Variants in ADARB1 observed in about 807,000 individuals in gnomAD.
ADARB1 encodes double-stranded RNA-specific editase 1.
ADARB1 carries 10 observed loss-of-function variants against 52.4 expected under a neutral mutation model. The ratio of observed to expected loss-of-function variants is 0.19; its 90% CI spans 0.12 to 0.32. ADARB1 has a LOEUF of 0.32. Among genes scored for constraint, ADARB1 ranks in the 10% least tolerant of loss-of-function variants. The pLI is 1.00. For missense variants in ADARB1, 643 were observed against 922.3 expected (o/e 0.70, Z 3.92); for synonymous variants, 349 against 371.1 (o/e 0.94, Z 0.68).
At chr21:45,131,574 G>T (rs975074034) in intron 2 of ADARB1, among the ~76,000 whole-genome samples, 1 of 152,148 alleles carries the variant, frequency 6.6e-6, no homozygotes, top group Admixed American at 6.5e-5. Flanking sequence ...TGATGCCTAC[G>T]CCACTTCTCA....
chr21:45,081,727 C>G (rs1413278819), intron 1 of ADARB1, among the ~76,000 whole-genome samples: 1 of 152,156 alleles, frequency 6.6e-6, no homozygotes, highest in Non-Finnish European at 1.5e-5. Flanking sequence ...GAAGGCCTCT[C>G]TGAGTGCGAT....
At position 45,176,587 on chromosome 21, in the gene ADARB1, A is replaced by G; in HGVS notation, c.886A>G (p.Ile296Val). Residue 296 changes from isoleucine (I) to valine (V), a missense_variant, in exon 4 of 11, where the codon ATT becomes GTT. Physicochemically the swap from Ile to Val is conservative, Grantham distance 29. Transcript: ENST00000348831. The surrounding 1 kb of genome is among the most constrained non-coding windows in gnomAD (Gnocchi z 5.8). ...GGCTGCGCAGTCTGCCCTGGCCGCC[A>G]TTTTTAACTTGCACTTGGATCAGAC... ...ARAAQSALAA[I>V]FNLHLDQTPS... 1.2e-6 allele frequency: 2 copies of G among 1,614,070 alleles called. No individual in the cohort carries two copies. Among genetic ancestry groups the G allele is most frequent in the Non-Finnish European group, 1.7e-6 (2 of 1,179,984 alleles).
At chr21:45,101,776 G>T (rs1262969852) in intron 1 of ADARB1, among the ~76,000 whole-genome samples, 4 of 152,228 alleles carry the variant, frequency 2.6e-5, no homozygotes, top group Non-Finnish European at 5.9e-5. Context: ...CACCAGTCTT[G>T]CTGACTATTA....
rs927660697 is a variant in ADARB1 at position 45,223,676 on chromosome 21, G to C, written c.*1479G>C. 1.0e-6 allele frequency: 1 copy of C among 985,532 alleles called. No individual in the cohort carries two copies. The highest frequency in any genetic ancestry group is 1.2e-6 in the Non-Finnish European group (1 of 830,060). The allele number at this position is 985,532 out of a possible 1,614,324, so 61.0% of individuals were successfully genotyped here. On this transcript the variant is annotated 3_prime_UTR_variant, in exon 11 of 11. Transcript: ENST00000348831. Reference sequence around the variant, plus strand: ...CCAGGGTGTTGGCACCTGTGTGTCCGTGATGAGCCTAGGAAACCAGAGCAG... The same window carrying C: ...CCAGGGTGTTGGCACCTGTGTGTCCCTGATGAGCCTAGGAAACCAGAGCAG...
At chr21:45,080,985 T>A (rs1304941503) in intron 1 of ADARB1, among the ~76,000 whole-genome samples, 2 of 152,236 alleles carry the variant, frequency 1.3e-5, no homozygotes, top group African/African-American at 4.8e-5. Flanking sequence ...TTGTGATTAT[T>A]TGATTTTTTC....
intron 2 of ADARB1, among the ~76,000 whole-genome samples, chr21:45,166,932 A>ATTTTAATTCTTATTTGTTTG (rs2091275786): frequency 1.3e-5 from 2 of 151,650 alleles, no homozygotes; most frequent in Non-Finnish European, 2.9e-5. Context: ...GGGATATTTG[A>ATTTTAATTCTTATTTGTTTG]TAGGGTTTTA....
chr21:45,162,989 C>A (rs2091057119), intron 2 of ADARB1, among the ~76,000 whole-genome samples: 1 of 152,242 alleles, frequency 6.6e-6, no homozygotes, highest in Non-Finnish European at 1.5e-5. Context: ...CCCAGACTCT[C>A]ACCCAGTGCT....
intron 2 of ADARB1, among the ~76,000 whole-genome samples, chr21:45,143,895 T>A (rs139218389): frequency 6.6e-6 from 1 of 152,208 alleles, no homozygotes; most frequent in African/African-American, 2.4e-5. Context: ...TGTTGTCCCC[T>A]GACACTTGAC....
chr21:45,218,927 G>T (rs2092914956), intron 9 of ADARB1, among the ~76,000 whole-genome samples: 2 of 152,106 alleles, frequency 1.3e-5, no homozygotes, highest in South Asian at 4.1e-4. Context: ...GATTTTGGTG[G>T]CCTATAACAT....
intron 1 of ADARB1, among the ~76,000 whole-genome samples, chr21:45,077,513 A>G (rs552603833): frequency 6.6e-6 from 1 of 152,186 alleles, no homozygotes; most frequent in East Asian, 1.9e-4. Context: ...AAAAAATATA[A>G]AAAATCAGCC....
rs541214673 is a variant in ADARB1, at chr21:45,098,191, C to T, written c.-220+23398C>T. 3.0e-4 allele frequency among the ~76,000 whole-genome samples: 46 copies of T among 152,300 alleles called. No homozygotes were observed. In the East Asian group the frequency reaches 5.0e-3, roughly 17 times the overall value. On this transcript the variant is annotated intron_variant, in intron 1 of 10. Coordinates refer to ENST00000348831, the MANE Select transcript of ADARB1 (RefSeq NM_001112.4). ...TCCTGCCCTGTGCTTGCAGGCTCCACGGACCCACCAGGGCATCTGGAATAC... is the reference window on the plus strand; with the variant it reads ...TCCTGCCCTGTGCTTGCAGGCTCCATGGACCCACCAGGGCATCTGGAATAC...
chr21:45,097,033 C>G (rs1390618346), intron 1 of ADARB1, among the ~76,000 whole-genome samples: 2 of 152,230 alleles, frequency 1.3e-5, no homozygotes, highest in African/African-American at 4.8e-5. Context: ...GCCACTGCGC[C>G]CAGCCTTTCT....
chr21:45,133,459 C>T (rs1469950672), intron 2 of ADARB1: 1 of 154,492 alleles, frequency 6.5e-6, no homozygotes, highest in Non-Finnish European at 1.4e-5. Flanking sequence ...GGAAAATCTC[C>T]CTTTTGATGA....
Position 45,225,673 on chromosome 21 carries a change from C to T in ADARB1, c.*3476C>T. On this transcript the variant is annotated 3_prime_UTR_variant, in exon 11 of 11. Transcript: ENST00000348831. ...CAAAACAAACACATGTACAGTGGCT[C>T]TTTTTCCTTCTCAAACACTTTACCC... 1 of 942,240 alleles carries T rather than the reference C, an allele frequency of 1.1e-6. No homozygotes were observed. The highest frequency in any genetic ancestry group is 1.4e-6 in the Non-Finnish European group (1 of 691,202). 58.4% of individuals were successfully genotyped at this position (942,240 alleles called of 1,614,324 possible). A position where few individuals can be genotyped will look rare whatever the true frequency, so the allele number is the denominator to read the frequency against.
At chr21:45,080,837 C>G (rs922348601) in intron 1 of ADARB1, among the ~76,000 whole-genome samples, 1 of 152,156 alleles carries the variant, frequency 6.6e-6, no homozygotes, top group African/African-American at 2.4e-5. Flanking sequence ...AACCCTACCC[C>G]CAGAGGAAAG....
intron 1 of ADARB1, among the ~76,000 whole-genome samples, chr21:45,090,557 T>G (rs1400314524): frequency 6.6e-6 from 1 of 152,154 alleles, no homozygotes; most frequent in East Asian, 1.9e-4. Context: ...ACAAAATTCC[T>G]GAAAATGTGA....
intron 2 of ADARB1, among the ~76,000 whole-genome samples, chr21:45,130,197 A>G (rs2088844559): frequency 6.6e-6 from 1 of 152,230 alleles, no homozygotes; most frequent in African/African-American, 2.4e-5. Flanking sequence ...ATTTGTGACT[A>G]CCTATTTTTA....
intron 2 of ADARB1, chr21:45,134,814 A>C (rs773848523): frequency 9.4e-6 from 5 of 534,264 alleles, no homozygotes; most frequent in South Asian, 7.0e-5. Context: ...CCCGAGGATG[A>C]AGACGCCTTG....
At chr21:45,122,826 C>T (rs2088282092) in intron 1 of ADARB1, among the ~76,000 whole-genome samples, 1 of 152,218 alleles carries the variant, frequency 6.6e-6, no homozygotes, top group African/African-American at 2.4e-5. Context: ...TGAATGTAGT[C>T]TCCTCAGTCT....
Sources: allele counts gnomAD v4.1 joint callset (sites outside exome capture counted in the v4.1 genomes callset), GRCh38; gene constraint gnomAD v4.1.1; non-coding constraint Gnocchi (gnomAD v3.1); transcripts MANE v1.5; gene names NCBI Gene and HGNC (gene_info 2026-07-23, HGNC 2026-07-21).